The following MICAL2 variants were observed in gnomAD, a reference collection of about 807,000 sequenced individuals.
The protein encoded by MICAL2 is [F-actin]-monooxygenase MICAL2.
MICAL2 carries 77 observed loss-of-function variants against 127.3 expected under a neutral mutation model. The ratio of observed to expected loss-of-function variants is 0.60; its 90% CI spans 0.50 to 0.73. The LOEUF (loss-of-function observed/expected upper bound fraction) is 0.73. Among genes scored for constraint, MICAL2 ranks in the 30% least tolerant of loss-of-function variants. The pLI is 0.00. For synonymous variants in MICAL2, 570 were observed against 551.1 expected, an observed-to-expected ratio of 1.03 and a Z score of -0.48; for missense variants, 1,351 against 1,434.4, an observed-to-expected ratio of 0.94 and a Z score of 0.94.
chr11:12,132,969 T>C (rs1258988034), intron 1 of MICAL2, among the ~76,000 whole-genome samples: 1 of 152,196 alleles, frequency 6.6e-6, no homozygotes, highest in Non-Finnish European at 1.5e-5. Context: ...CCTGTGCTCA[T>C]TTGTGTGTTC....
downstream of MICAL2, chr11:12,358,480 G>C (rs746964366): frequency 6.2e-7 from 1 of 1,613,696 alleles, no homozygotes; most frequent in Non-Finnish European, 8.5e-7. Flanking sequence ...CAGGACTTGA[G>C]GAGGCCCGTA....
chr11:12,195,411 T>C (rs917576261), intron 3 of MICAL2, among the ~76,000 whole-genome samples: 5 of 152,320 alleles, frequency 3.3e-5, no homozygotes, highest in Middle Eastern at 3.4e-3. Context: ...AGTAGAAGGA[T>C]AGACGGATGT....
At chr11:12,137,457 C>A (rs934807943) in intron 1 of MICAL2, among the ~76,000 whole-genome samples, 45 of 152,228 alleles carry the variant, frequency 3.0e-4, no homozygotes, top group African/African-American at 1.0e-3. Context: ...CCACTGAGAT[C>A]AAGCAGGTCT....
At chr11:12,262,422 C>T in intron 26 of MICAL2, 58 bp from the exon 27 acceptor site, 4 of 1,608,430 alleles carry the variant, frequency 2.5e-6, no homozygotes, top group Non-Finnish European at 3.4e-6. Context: ...TTTTTCCCCA[C>T]ACTAAGCTCT....
Position 12,223,505 on chromosome 11 carries a change from A to C in MICAL2, c.1540+4A>C, listed in dbSNP as rs190565810. On this transcript the variant is annotated splice_donor_region_variant and intron_variant, in intron 12 of 27. Transcript: ENST00000683283. ...TCTGTCAACCTCTCCAGGAAGGGTA[A>C]GCGGCCCTCCTGGGACCCTGGTGGG... The C allele has an allele frequency of 9.5e-5, 154 of 1,613,034 alleles. No individual in the cohort carries two copies. In the East Asian group the frequency reaches 3.3e-3, roughly 34 times the overall value.
At chr11:12,191,545 C>T (rs1859123009) in intron 3 of MICAL2, among the ~76,000 whole-genome samples, 1 of 151,136 alleles carries the variant, frequency 6.6e-6, no homozygotes, top group Non-Finnish European at 1.5e-5. Flanking sequence ...AGGTGGATTG[C>T]TTGAGTTCAG....
intron 32 of MICAL2, among the ~76,000 whole-genome samples, chr11:12,349,173 A>G (rs1479479643): frequency 6.6e-6 from 1 of 152,222 alleles, no homozygotes; most frequent in Admixed American, 6.5e-5. Flanking sequence ...AGTATCTAAC[A>G]TTAAATATCT....
intron 3 of MICAL2, among the ~76,000 whole-genome samples, chr11:12,165,999 CTCTT>C (rs1262762204): frequency 6.6e-6 from 1 of 152,194 alleles, no homozygotes; most frequent in Non-Finnish European, 1.5e-5. Flanking sequence ...GCCAAATGAA[CTCTT>C]TCAGGATTGA....
At chr11:12,171,174 G>A (rs1369293827) in intron 3 of MICAL2, among the ~76,000 whole-genome samples, 2 of 152,182 alleles carry the variant, frequency 1.3e-5, no homozygotes, top group East Asian at 1.9e-4. Context: ...CAAAAGAGAC[G>A]GGAAGTTAGC....
At chr11:12,130,815 G>T (rs12421893) in intron 1 of MICAL2, among the ~76,000 whole-genome samples, 53,774 of 152,156 alleles carry the variant, frequency 0.35, 10,209 homozygotes, top group Non-Finnish European at 0.42. Context: ...GGCCTGGCAG[G>T]TCTGCAGAGC....
At chr11:12,323,785 T>C (rs1864326073) in intron 30 of MICAL2, among the ~76,000 whole-genome samples, 1 of 152,214 alleles carries the variant, frequency 6.6e-6, no homozygotes, top group South Asian at 2.1e-4. Context: ...GGCTTGTGGC[T>C]TCTGTATTTC....
At chr11:12,112,634 C>T (rs893885415) in intron 1 of MICAL2, among the ~76,000 whole-genome samples, 2 of 152,058 alleles carry the variant, frequency 1.3e-5, no homozygotes, top group African/African-American at 4.8e-5. Flanking sequence ...AAAAACATGA[C>T]ATCACTTTTA....
chr11:12,336,769 A>G (rs1938771777), intron 32 of MICAL2, among the ~76,000 whole-genome samples: 1 of 152,110 alleles, frequency 6.6e-6, no homozygotes, highest in Non-Finnish European at 1.5e-5. Context: ...TGATTTTCAT[A>G]TGTTGAACCA....
At chr11:12,305,441 T>A (rs571805065) in intron 29 of MICAL2, among the ~76,000 whole-genome samples, 1 of 152,262 alleles carries the variant, frequency 6.6e-6, no homozygotes, top group East Asian at 1.9e-4. Flanking sequence ...GAGATTAGAA[T>A]TGGAGATGAG....
intron 25 of MICAL2, 39 bp downstream of exon 25, chr11:12,258,595 C>T (rs760134627): frequency 1.7e-5 from 27 of 1,577,884 alleles, no homozygotes; most frequent in Middle Eastern, 1.7e-4. Flanking sequence ...ACGGGGAAGG[C>T]CCCTTGATAA....
At chr11:12,269,241 A>G (rs1863644748) in intron 24 of MICAL2, among the ~76,000 whole-genome samples, 1 of 152,112 alleles carries the variant, frequency 6.6e-6, no homozygotes, top group African/African-American at 2.4e-5. Flanking sequence ...CCTGCTTTAC[A>G]GGGTTGCTGC....
chr11:12,215,117 T>TA (rs1423255733), intron 7 of MICAL2, among the ~76,000 whole-genome samples: 2 of 152,150 alleles, frequency 1.3e-5, no homozygotes, highest in Non-Finnish European at 1.5e-5. Flanking sequence ...TCCCTTCCTC[T>TA]AAAAAACCAA....
intron 15 of MICAL2, among the ~76,000 whole-genome samples, chr11:12,235,559 T>C (rs567610465): frequency 6.6e-6 from 1 of 152,336 alleles, no homozygotes; most frequent in South Asian, 2.1e-4. Flanking sequence ...CATCAGGCTA[T>C]AGTTAATGCT....
chr11:12,305,311 T>A (rs1047310352), intron 29 of MICAL2, among the ~76,000 whole-genome samples: 1 of 152,106 alleles, frequency 6.6e-6, no homozygotes, highest in African/African-American at 2.4e-5. Context: ...GACCCCCTTA[T>A]ATAACCATCA....
Sources: gnomAD v4.1 joint callset for allele counts (sites outside exome capture counted in the v4.1 genomes callset) on GRCh38, gnomAD v4.1.1 for gene constraint, MANE v1.5 for transcripts, NCBI Gene and HGNC (gene_info 2026-07-23, HGNC 2026-07-21) for gene names.